Variants in DNMT1 observed in about 807,000 individuals in gnomAD.
DNMT1 encodes the protein DNA (cytosine-5)-methyltransferase 1.
Under a neutral mutation model 205.3 loss-of-function variants are expected in DNMT1, and 24 were observed. The observed-to-expected ratio is 0.12, with a 90% CI of 0.08 to 0.16. DNMT1 has a LOEUF of 0.16. Ranked by LOEUF, DNMT1 falls within the 10% of genes least tolerant of loss-of-function variation. DNMT1 has a pLI of 1.00. For missense variants in DNMT1, 1,293 were observed against 2,177.7 expected, an observed-to-expected ratio of 0.59 and a Z score of 8.09; for synonymous variants, 817 against 839.8, an observed-to-expected ratio of 0.97 and a Z score of 0.47.
intron 7 of DNMT1, among the ~76,000 whole-genome samples, chr19:10,174,915 C>T (rs560274361): frequency 2.0e-5 from 3 of 150,030 alleles, no homozygotes; most frequent in South Asian, 2.1e-4. Flanking sequence ...ATTAGCCGGG[C>T]GTGGTGGCAC....
intron 22 of DNMT1, among the ~76,000 whole-genome samples, chr19:10,152,191 G>GAAAAAAAAAAAAAAAA (rs1172451605): frequency 4.0e-5 from 2 of 50,002 alleles, no homozygotes; most frequent in East Asian, 6.1e-4. Flanking sequence ...AAAAAAAAAG[G>GAAAAAAAAAAAAAAAA]AAAAAAAAAG....
intron 30 of DNMT1, chr19:10,141,537 A>G (rs2089600416): frequency 2.7e-6 from 1 of 374,582 alleles, no homozygotes; most frequent in Non-Finnish European, 5.0e-6. Context: ...CAACACGGAA[A>G]GGCCAAGCCC....
In DNMT1 at chr19:10,156,506, C is replaced by T; in HGVS notation, c.1284G>A (p.Val428=). ...GACACAGGTGACCGTGCTTACAGTA[C>T]ACACTAGACAGGAAACAAAGCACAT... ...LPQHKLTCFS[V]YCKHGHLCPI... The change falls in exon 18 of 41, where the codon GTG becomes GTA. Residue 428 remains valine (V), a synonymous_variant. Transcript: ENST00000359526. The surrounding 1 kb of genome is among the most constrained non-coding windows in gnomAD (Gnocchi z 4.2). The T allele has an allele frequency of 6.2e-7, 1 of 1,611,962 alleles. No homozygotes were observed. Among genetic ancestry groups the T allele is most frequent in the South Asian group, 1.1e-5 (1 of 91,052 alleles).
intron 17 of DNMT1, among the ~76,000 whole-genome samples, chr19:10,158,061 G>A (rs145696748): frequency 6.6e-6 from 1 of 152,198 alleles, no homozygotes; most frequent in Non-Finnish European, 1.5e-5. Context: ...GTGTCCTCCA[G>A]GCCACCATCC....
rs1270304235 is a variant in DNMT1 at position 10,146,008 on chromosome 19, T to C, written c.2894+343A>G. ...CACACCCGGCTAATTTTTGTATTTT[T>C]AGTAGAGACGAGGTTTCACCATGTT... is the stretch of plus-strand genomic sequence containing the variant. On this transcript the variant is annotated intron_variant, in intron 28 of 40. Coordinates refer to ENST00000359526, the MANE Select transcript of DNMT1 (RefSeq NM_001130823.3). The surrounding 1 kb of genome is among the most constrained non-coding windows in gnomAD (Gnocchi z 4.4). Among the ~76,000 whole-genome samples the C allele has an allele frequency of 6.6e-6, 1 of 152,028 alleles. No individual in the cohort carries two copies. Among genetic ancestry groups the C allele is most frequent in the Non-Finnish European group, 1.5e-5 (1 of 67,988 alleles).
intron 10 of DNMT1, 28 bp downstream of exon 10, chr19:10,168,302 A>C (rs1275105735): frequency 6.2e-7 from 1 of 1,613,992 alleles, no homozygotes; most frequent in Admixed American, 1.7e-5. Context: ...TTCACAACAA[A>C]GCACAAAGGC....
At chr19:10,148,234 C>T (rs6511611) in intron 27 of DNMT1, among the ~76,000 whole-genome samples, 39,924 of 150,626 alleles carry the variant, frequency 0.27, 5,605 homozygotes, top group African/African-American at 0.34. Flanking sequence ...TGGTGGCTCA[C>T]GCCTGTAATC....
intron 22 of DNMT1, among the ~76,000 whole-genome samples, chr19:10,152,825 T>G (rs138409766): frequency 6.6e-6 from 1 of 151,328 alleles, no homozygotes; most frequent in East Asian, 1.9e-4. Flanking sequence ...TTTGGCTGGG[T>G]GCAGTGCCTC....
chr19:10,148,378 C>T (rs2038251774), intron 27 of DNMT1, among the ~76,000 whole-genome samples: 1 of 150,566 alleles, frequency 6.6e-6, no homozygotes, highest in South Asian at 2.1e-4. Flanking sequence ...CGCCTGTAGT[C>T]CCAGCAACTC....
Position 10,173,822 on chromosome 19 carries a change from G to C in DNMT1, c.683+49C>G, listed in dbSNP as rs776701718. ...CTTTCTGAAAAAGTTTTGTGATCAA[G>C]ATTACACAACTCGTAGAACAAAAAG... On this transcript the variant is annotated intron_variant, in intron 8 of 40. Coordinates refer to ENST00000359526, the MANE Select transcript of DNMT1 (RefSeq NM_001130823.3). The C allele has an allele frequency of 5.6e-6, 9 of 1,606,450 alleles. No homozygotes were observed. In the East Asian group the frequency reaches 2.0e-4, roughly 36 times the overall value.
Position 10,166,976 on chromosome 19 carries a change from C to T in DNMT1, c.804-291G>A, listed in dbSNP as rs114627640. ...CGTGGCCTGATGGGAATCCAGCCTGCGGTGGAGGAAGACCCATGTCTGGCC... is the reference window on the plus strand; with the variant it reads ...CGTGGCCTGATGGGAATCCAGCCTGTGGTGGAGGAAGACCCATGTCTGGCC... On this transcript the variant is annotated intron_variant, in intron 10 of 40. Transcript: ENST00000359526. 1.5e-3 allele frequency among the ~76,000 whole-genome samples: 235 copies of T among 152,280 alleles called. 1 individual carries two copies. Among genetic ancestry groups the T allele is most frequent in the African/African-American group, 5.3e-3 (219 of 41,574 alleles).
At chr19:10,179,669 T>C (rs1446936965) in intron 5 of DNMT1, among the ~76,000 whole-genome samples, 1 of 152,076 alleles carries the variant, frequency 6.6e-6, no homozygotes, top group Admixed American at 6.6e-5. Flanking sequence ...CCTTATATGC[T>C]ACCAAAGCCT....
In DNMT1 at chr19:10,166,602, T is replaced by C. The variant is rs1568243323; in HGVS notation, c.887A>G (p.Glu296Gly). ...AAACAAATAACCCGCCTTTACTTTCTCGTCTCCATCTTCGTCCTCGTCAGC... is the reference window on the plus strand; with the variant it reads ...AAACAAATAACCCGCCTTTACTTTCCCGTCTCCATCTTCGTCCTCGTCAGC... ...VQADEDEDGD[E>G]KDEKKHRSQP... is the part of the protein sequence containing the mutation. The change falls in exon 11 of 41, where the codon GAG (glutamate) becomes GGG (glycine). Residue 296 changes from glutamate to glycine, a missense_variant. By Grantham distance (98) the Glu-to-Gly change is moderately conservative. Coordinates refer to ENST00000359526, the MANE Select transcript of DNMT1 (RefSeq NM_001130823.3). The C allele has an allele frequency of 6.2e-7, 1 of 1,614,030 alleles. No individual in the cohort carries two copies. Among genetic ancestry groups the C allele is most frequent in the Non-Finnish European group, 8.5e-7 (1 of 1,180,028 alleles).
chr19:10,134,412 T>C (rs1229133870), intron 39 of DNMT1, 105 bp from the exon 40 acceptor site: 2 of 1,037,174 alleles, frequency 1.9e-6, no homozygotes, highest in Non-Finnish European at 2.9e-6. Flanking sequence ...ACCTGGGCAT[T>C]GCACCCCTTG....
intron 1 of DNMT1, among the ~76,000 whole-genome samples, chr19:10,193,535 T>C (rs945388472): frequency 6.6e-6 from 1 of 151,916 alleles, no homozygotes; most frequent in African/African-American, 2.4e-5. Flanking sequence ...GGCTAATTTT[T>C]GTATTTTTAG....
At chr19:10,141,641 G>A (rs946293412) in intron 30 of DNMT1, 13 of 329,954 alleles carry the variant, frequency 3.9e-5, no homozygotes, top group South Asian at 9.2e-5. Context: ...GGGCCTGGAC[G>A]TAGGCGCCTG....
rs1085307800 is a variant in DNMT1 at position 10,140,085 on chromosome 19, T to C, written c.3767A>G (p.Tyr1256Cys). The change falls in exon 33 of 41, where the codon TAC (tyrosine) becomes TGC (cysteine). Residue 1256 changes from tyrosine (Y) to cysteine (C), a missense_variant. Tyr to Cys is a radical substitution (Grantham distance 194, BLOSUM62 -2). Around this residue, in one of 13 missense-constraint regions of DNMT1, gnomAD observed 38 missense variants for 141.1 expected, o/e 0.27. Coordinates refer to ENST00000359526, the MANE Select transcript of DNMT1 (RefSeq NM_001130823.3). This position sits in a 1 kb window ranked among gnomAD's most constrained non-coding sequence, Gnocchi z 8.4. ...CACCAGAGAGTTTTTGAACTTGGAGTAGGTGCGCGAATTGAAGCGGTTCAT... is the reference window on the plus strand; with the variant it reads ...CACCAGAGAGTTTTTGAACTTGGAGCAGGTGCGCGAATTGAAGCGGTTCAT... ...SGMNRFNSRT[Y>C]SKFKNSLVVS... is the part of the protein sequence containing the mutation. 6.2e-7 allele frequency: 1 copy of C among 1,613,122 alleles called. No individual in the cohort carries two copies. Among genetic ancestry groups the C allele is most frequent in the Non-Finnish European group, 8.5e-7 (1 of 1,179,972 alleles).
chr19:10,179,991 A>G (rs1258990458), intron 5 of DNMT1, 196 bp downstream of exon 5: 1 of 137,950 alleles, frequency 7.2e-6, no homozygotes, highest in South Asian at 1.6e-4. Context: ...CTCTGTCATT[A>G]AAAAAAAAAA....
intron 11 of DNMT1, among the ~76,000 whole-genome samples, 164 bp downstream of exon 11, chr19:10,166,434 C>G (rs549528053): frequency 9.2e-5 from 14 of 152,196 alleles, no homozygotes; most frequent in African/African-American, 3.4e-4. Context: ...AATCCCGGCC[C>G]CCAAAAGGAG....
Sources: gnomAD v4.1 joint callset for allele counts (sites outside exome capture counted in the v4.1 genomes callset) on GRCh38, gnomAD v4.1.1 for gene constraint, gnomAD v4.1.1 regional missense constraint, Gnocchi (gnomAD v3.1) non-coding constraint, MANE v1.5 for transcripts, NCBI Gene and HGNC (gene_info 2026-07-23, HGNC 2026-07-21) for gene names.